The following FAM20C variants were observed in gnomAD, a reference collection of about 807,000 sequenced individuals.
FAM20C encodes the protein extracellular serine/threonine protein kinase FAM20C.
In FAM20C, 40 loss-of-function variants were observed where a neutral mutation model predicts 51.5. The ratio of observed to expected loss-of-function variants is 0.78; its 90% CI spans 0.60 to 1.01. The LOEUF (loss-of-function observed/expected upper bound fraction) is 1.01, where lower values mean the gene tolerates loss of function less well. Among genes scored for constraint, FAM20C ranks in the 50% least tolerant of loss-of-function variants. The pLI, the probability that FAM20C is intolerant of heterozygous loss-of-function variation, is 0.00. For missense variants in FAM20C, 861 were observed against 844.7 expected, an observed-to-expected ratio of 1.02 and a Z score of -0.24; for synonymous variants, 406 against 380.6, an observed-to-expected ratio of 1.07 and a Z score of -0.78.
rs118033279 is a variant in FAM20C, at chr7:200,009, C to T, written c.784+4277C>T. Among the ~76,000 whole-genome samples, 1,161 of 152,306 alleles carry T rather than the reference C, an allele frequency of 7.6e-3. 23 individuals carry two copies. The highest frequency in any genetic ancestry group is 0.059 in the East Asian group (304 of 5,172). On this transcript the variant is annotated intron_variant, in intron 2 of 9. Transcript: ENST00000313766. ...CTCTGCAGGACCAAAGTTCTTGACA[C>T]TGATTGATCTGCCAAAAGGGGAAGA...
At chr7:241,229 G>T in intron 3 of FAM20C, among the ~76,000 whole-genome samples, 1 of 152,252 alleles carries the variant, frequency 6.6e-6, no homozygotes, top group East Asian at 1.9e-4. Flanking sequence ...GAAGTGGCCC[G>T]AGGGCCTCGG....
chr7:213,894 T>A (rs925040201), intron 3 of FAM20C, among the ~76,000 whole-genome samples: 1 of 152,164 alleles, frequency 6.6e-6, no homozygotes, highest in East Asian at 1.9e-4. Context: ...TGGTTTTGAC[T>A]TGCACGTCCC....
intron 3 of FAM20C, among the ~76,000 whole-genome samples, chr7:240,885 G>A (rs1363464533): frequency 6.6e-6 from 1 of 152,186 alleles, no homozygotes; most frequent in Non-Finnish European, 1.5e-5. Flanking sequence ...GGGCACATGT[G>A]AAGGCAGCGG....
intron 1 of FAM20C, 109 bp downstream of exon 1, chr7:193,913 C>A: frequency 1.4e-6 from 2 of 1,396,418 alleles, no homozygotes; most frequent in South Asian, 3.1e-5. Context: ...AGAGGCCGGG[C>A]AGGGAGTGTG....
Position 257,170 on chromosome 7 carries a change from G to A in FAM20C, c.1445+84G>A, listed in dbSNP as rs535791121. On this transcript the variant is annotated intron_variant, in intron 8 of 9. Transcript: ENST00000313766. ...GCAGCCCACCTGAGACCCTGGGGAC[G>A]GGGGGAGCAGACCCTCCAGTGGAGG... The A allele has an allele frequency of 7.1e-5, 91 of 1,290,422 alleles. No individual in the cohort carries two copies. The East Asian group carries it at 1.0e-3, about 15-fold the overall frequency. The allele number at this position is 1,290,422 out of a possible 1,614,324, so 79.9% of individuals were successfully genotyped here.
chr7:249,210 G>A (rs1425260666), intron 5 of FAM20C, among the ~76,000 whole-genome samples: 2 of 151,952 alleles, frequency 1.3e-5, no homozygotes, highest in African/African-American at 4.8e-5. Context: ...CCGTTGTATA[G>A]TAACAGGGTG....
chr7:258,607 GT>G, intron 8 of FAM20C, 38 bp from the exon 9 acceptor site: 1 of 1,534,950 alleles, frequency 6.5e-7, no homozygotes, highest in Non-Finnish European at 8.7e-7. Flanking sequence ...TAGGAACCTT[GT>G]ACAGGGGCCC....
chr7:256,535 C>A, intron 6 of FAM20C, 119 bp from the exon 7 acceptor site: 3 of 780,210 alleles, frequency 3.8e-6, no homozygotes, highest in Non-Finnish European at 4.2e-6. Context: ...GCAGCCCGGG[C>A]GGGTCCATCT....
chr7:210,282 C>G (rs1786650066), intron 3 of FAM20C, among the ~76,000 whole-genome samples: 1 of 152,086 alleles, frequency 6.6e-6, no homozygotes, highest in Non-Finnish European at 1.5e-5. Flanking sequence ...ATGTGAAACT[C>G]AGCCTCCTTG....
chr7:206,045 A>T (rs1422105093), intron 2 of FAM20C, among the ~76,000 whole-genome samples: 1 of 151,710 alleles, frequency 6.6e-6, no homozygotes, highest in East Asian at 1.9e-4. Flanking sequence ...CCCTCAGCAC[A>T]CGCGCGTGCC....
chr7:224,051 C>G (rs1408744732), intron 3 of FAM20C, among the ~76,000 whole-genome samples: 1 of 141,092 alleles, frequency 7.1e-6, no homozygotes, highest in African/African-American at 2.6e-5. Flanking sequence ...AGCCTTCTCT[C>G]ATTGCGCAGA....
At chr7:254,277 C>G (rs1311224585) in intron 5 of FAM20C, among the ~76,000 whole-genome samples, 2 of 152,222 alleles carry the variant, frequency 1.3e-5, no homozygotes, top group Non-Finnish European at 2.9e-5. Flanking sequence ...AACCTGCCTT[C>G]TGATCCCACG....
intron 3 of FAM20C, among the ~76,000 whole-genome samples, chr7:216,512 A>C (rs66644650): frequency 0.33 from 49,219 of 150,796 alleles, 8,223 homozygotes; most frequent in East Asian, 0.51. Context: ...TCACTGAGGA[A>C]AGGCCAGCTG....
At chr7:259,174 A>C (rs535211628) in intron 9 of FAM20C, among the ~76,000 whole-genome samples, 2 of 152,276 alleles carry the variant, frequency 1.3e-5, no homozygotes, top group African/African-American at 4.8e-5. Flanking sequence ...GGATGTGCTG[A>C]GCTGGGGTCG....
intron 3 of FAM20C, among the ~76,000 whole-genome samples, chr7:216,660 TGTGA>T (rs1229427925): frequency 2.2e-5 from 3 of 138,080 alleles, no homozygotes; most frequent in Admixed American, 7.5e-5. Context: ...TGAGTGTGTG[TGTGA>T]GAGACAGAGT....
At chr7:222,485 C>T (rs1787268692) in intron 3 of FAM20C, among the ~76,000 whole-genome samples, 1 of 152,146 alleles carries the variant, frequency 6.6e-6, no homozygotes, top group Admixed American at 6.5e-5. Context: ...ACGGCCTGAA[C>T]CCCCCAGGCC....
chr7:232,012 G>T (rs191360543), intron 3 of FAM20C, among the ~76,000 whole-genome samples: 1 of 152,204 alleles, frequency 6.6e-6, no homozygotes, highest in South Asian at 2.1e-4. Flanking sequence ...CCCGGCATCC[G>T]TTCCGTCGGC....
At chr7:208,083 G>C (rs1429544887) in intron 2 of FAM20C, among the ~76,000 whole-genome samples, 1 of 152,194 alleles carries the variant, frequency 6.6e-6, no homozygotes, top group Non-Finnish European at 1.5e-5. Context: ...GTTGCTTGTA[G>C]CTCCCCAGAA....
At chr7:206,772 C>T (rs71536273) in intron 2 of FAM20C, among the ~76,000 whole-genome samples, 484 of 14,222 alleles carry the variant, frequency 0.034, 103 homozygotes, top group African/African-American at 0.11. Context: ...GCGTCTGTCA[C>T]GGTCCCCTCG....
Sources: gnomAD v4.1 joint callset for allele counts (sites outside exome capture counted in the v4.1 genomes callset) on GRCh38, gnomAD v4.1.1 for gene constraint, MANE v1.5 for transcripts, NCBI Gene and HGNC (gene_info 2026-07-23, HGNC 2026-07-21) for gene names.